The following ABCG2 variants were observed in gnomAD, a reference collection of about 807,000 sequenced individuals.
The protein encoded by ABCG2 is broad substrate specificity ATP-binding cassette transporter ABCG2.
In ABCG2, 80 loss-of-function variants were observed where a neutral mutation model predicts 73.5. The ratio of observed to expected loss-of-function variants is 1.09; its 90% CI spans 0.91 to 1.31. The LOEUF is 1.31. Among genes scored for constraint, ABCG2 ranks in the 50% most tolerant of loss-of-function variants. The pLI is 0.00. For missense variants in ABCG2, 796 were observed against 786.2 expected (o/e 1.01, Z -0.15); for synonymous variants, 269 against 282.4 (o/e 0.95, Z 0.48).
At chr4:88,206,947 C>A (rs1319894352) in intron 1 of ABCG2, among the ~76,000 whole-genome samples, 1 of 152,190 alleles carries the variant, frequency 6.6e-6, no homozygotes, top group African/African-American at 2.4e-5. Context: ...TCTCTCACCA[C>A]CACAGCCCAG....
At chr4:88,171,238 A>G (rs1727743433) in intron 1 of ABCG2, among the ~76,000 whole-genome samples, 1 of 151,128 alleles carries the variant, frequency 6.6e-6, no homozygotes, top group Non-Finnish European at 1.5e-5. Context: ...CTATACAACA[A>G]ACCTTCACAT....
intron 6 of ABCG2, among the ~76,000 whole-genome samples, chr4:88,119,048 A>G (rs1334654433): frequency 1.3e-5 from 2 of 152,202 alleles, no homozygotes; most frequent in African/African-American, 4.8e-5. Flanking sequence ...AACAATCCCC[A>G]CATATCAAGG....
At chr4:88,225,157 C>CT (rs1267319638) in intron 1 of ABCG2, among the ~76,000 whole-genome samples, 1 of 151,938 alleles carries the variant, frequency 6.6e-6, no homozygotes, top group Non-Finnish European at 1.5e-5. Context: ...GGTTGGTAAA[C>CT]TTTTTTTTGT....
At chr4:88,181,406 A>AAAAAAAAAAAAAAAAAAC (rs1728233651) in intron 1 of ABCG2, among the ~76,000 whole-genome samples, 1 of 32,554 alleles carries the variant, frequency 3.1e-5, no homozygotes, top group African/African-American at 7.9e-5. Flanking sequence ...CTCAAAAAAA[A>AAAAAAAAAAAAAAAAAAC]AAAAAAAAAA....
intron 1 of ABCG2, among the ~76,000 whole-genome samples, chr4:88,147,725 G>C (rs906050137): frequency 6.6e-6 from 1 of 152,156 alleles, no homozygotes; most frequent in South Asian, 2.1e-4. Context: ...CCATGTTAAG[G>C]AGTAGATTTT....
chr4:88,178,630 T>A (rs1423552135), intron 1 of ABCG2, among the ~76,000 whole-genome samples: 2 of 152,146 alleles, frequency 1.3e-5, no homozygotes, highest in Non-Finnish European at 2.9e-5. Flanking sequence ...GGTCCCTGAT[T>A]CCAGGCCTTG....
chr4:88,207,139 C>T (rs1056030615), intron 1 of ABCG2, among the ~76,000 whole-genome samples: 1 of 152,116 alleles, frequency 6.6e-6, no homozygotes, highest in East Asian at 1.9e-4. Context: ...TACTGCTTTA[C>T]TTGAGACCCC....
At chr4:88,172,294 CA>C (rs397815020) in intron 1 of ABCG2, among the ~76,000 whole-genome samples, 25 of 133,762 alleles carry the variant, frequency 1.9e-4, no homozygotes, top group Admixed American at 3.1e-4. Flanking sequence ...AGCTCCGTCA[CA>C]AAAAAAAAAA....
chr4:88,150,468 A>G (rs1016981689), intron 1 of ABCG2, among the ~76,000 whole-genome samples: 3 of 152,278 alleles, frequency 2.0e-5, no homozygotes, highest in Middle Eastern at 3.4e-3. Context: ...GGTTGTATCT[A>G]CCACTGACCA....
At chr4:88,210,890 A>G (rs546026692) in intron 1 of ABCG2, among the ~76,000 whole-genome samples, 68 of 152,262 alleles carry the variant, frequency 4.5e-4, no homozygotes, top group African/African-American at 1.5e-3. Flanking sequence ...AAGGAATAAC[A>G]GAAGCCAGAG....
intron 1 of ABCG2, among the ~76,000 whole-genome samples, chr4:88,214,261 C>T (rs1729718308): frequency 6.6e-6 from 1 of 151,978 alleles, no homozygotes; most frequent in Admixed American, 6.6e-5. Flanking sequence ...GCTGGGATTA[C>T]CACCACTAGC....
intron 2 of ABCG2, among the ~76,000 whole-genome samples, chr4:88,133,902 G>C (rs1045871798): frequency 7.2e-5 from 11 of 152,146 alleles, no homozygotes; most frequent in African/African-American, 2.2e-4. Flanking sequence ...GGAGGCTGAG[G>C]CAGGAGAATC....
At chr4:88,127,576 T>C (rs1181931897) in intron 5 of ABCG2, among the ~76,000 whole-genome samples, 1 of 152,036 alleles carries the variant, frequency 6.6e-6, no homozygotes, top group South Asian at 2.1e-4. Flanking sequence ...AAAACAGATA[T>C]ATAGACCAAT....
intron 1 of ABCG2, among the ~76,000 whole-genome samples, chr4:88,165,531 A>C (rs974300725): frequency 1.3e-5 from 2 of 152,208 alleles, no homozygotes; most frequent in Non-Finnish European, 2.9e-5. Flanking sequence ...TATTGTTATT[A>C]CAATAGGCCC....
intron 9 of ABCG2, among the ~76,000 whole-genome samples, chr4:88,108,609 T>C (rs1722916853): frequency 6.6e-6 from 1 of 152,162 alleles, no homozygotes; most frequent in Admixed American, 6.5e-5. Flanking sequence ...CTACCATATC[T>C]TGGAATCTTC....
At chr4:88,148,763 C>T (rs952485888) in intron 1 of ABCG2, among the ~76,000 whole-genome samples, 4 of 152,080 alleles carry the variant, frequency 2.6e-5, no homozygotes, top group Non-Finnish European at 4.4e-5. Flanking sequence ...GTATTGTAAA[C>T]AGTAAAATTC....
At chr4:88,095,633 T>C (rs1721934754) in intron 13 of ABCG2, 24 bp from the exon 14 acceptor site, 2 of 1,577,778 alleles carry the variant, frequency 1.3e-6, no homozygotes, top group Non-Finnish European at 1.7e-6. Context: ...ATACTAAAAG[T>C]CAGGCCTGCT....
At chr4:88,157,079 G>A (rs560657138) in intron 1 of ABCG2, among the ~76,000 whole-genome samples, 1 of 152,140 alleles carries the variant, frequency 6.6e-6, no homozygotes, top group African/African-American at 2.4e-5. Flanking sequence ...TCCAGTCTGG[G>A]CAATAAAGCA....
At chr4:88,131,038 T>A in intron 5 of ABCG2, 23 bp downstream of exon 5, 12 of 1,613,304 alleles carry the variant, frequency 7.4e-6, no homozygotes, top group Non-Finnish European at 1.0e-5. Context: ...CTGATCATGA[T>A]GCTTTCAGTT....
Sources: gnomAD v4.1 joint callset for allele counts (sites outside exome capture counted in the v4.1 genomes callset) on GRCh38, gnomAD v4.1.1 for gene constraint, MANE v1.5 for transcripts, NCBI Gene and HGNC (gene_info 2026-07-23, HGNC 2026-07-21) for gene names.